The following PAMR1 variants were observed in gnomAD, a reference collection of about 807,000 sequenced individuals.
The protein encoded by PAMR1 is inactive serine protease PAMR1.
A neutral mutation model predicts 81.8 loss-of-function variants in PAMR1; 88 were observed. That is an observed-to-expected ratio of 1.08 (90% CI 0.91 to 1.28). PAMR1 has a LOEUF of 1.28. PAMR1 is among the 50% of genes most tolerant of loss of function. PAMR1 has a pLI of 0.00. For synonymous variants in PAMR1, 336 were observed against 345.3 expected, an observed-to-expected ratio of 0.97 and a Z score of 0.30; for missense variants, 935 against 919.7, an observed-to-expected ratio of 1.02 and a Z score of -0.21.
In PAMR1 at chr11:35,435,892, C is replaced by A. The variant is rs994027510; in HGVS notation, c.1333+11G>T. 4 of 1,591,210 alleles carry A rather than the reference C, an allele frequency of 2.5e-6. No homozygotes were observed. Among genetic ancestry groups the A allele is most frequent in the Non-Finnish European group, 3.5e-6 (4 of 1,159,274 alleles). ...GAGCATGCTCAAGCCCAAGAATGAG[C>A]CTTGACTCACTAGGGATGCAGGATG... On this transcript the variant is annotated intron_variant, in intron 9 of 10. Coordinates refer to ENST00000619888, the MANE Select transcript of PAMR1 (RefSeq NM_001001991.3).
In PAMR1 at chr11:35,435,962, C is replaced by T. The variant is rs1423864166; in HGVS notation, c.1274G>A (p.Ser425Asn). ...ISPFYRRLGS[S>N]RRTCLRTGKW... is the part of the protein sequence containing the mutation. ...CCCAGTCCTCAGACATGTCCTCCTGCTGCTGCCCAGGCGGCGGTAGAAGGG... is the reference window on the plus strand; with the variant it reads ...CCCAGTCCTCAGACATGTCCTCCTGTTGCTGCCCAGGCGGCGGTAGAAGGG... The change falls in exon 9 of 11, where the codon AGC becomes AAC. Residue 425 changes from serine to asparagine, a missense_variant. Ser to Asn is a conservative substitution (Grantham distance 46). Transcript: ENST00000619888. The T allele has an allele frequency of 6.2e-7, 1 of 1,614,116 alleles. No individual in the cohort carries two copies. Among genetic ancestry groups the T allele is most frequent in the Non-Finnish European group, 8.5e-7 (1 of 1,180,048 alleles).
intron 6 of PAMR1, among the ~76,000 whole-genome samples, chr11:35,467,373 C>A (rs1331698743): frequency 6.6e-6 from 1 of 152,178 alleles, no homozygotes; most frequent in African/African-American, 2.4e-5. Context: ...CCTTTGCTCT[C>A]CCCCAAATTC....
At chr11:35,508,662 A>T (rs1406758702) in intron 1 of PAMR1, among the ~76,000 whole-genome samples, 3 of 151,538 alleles carry the variant, frequency 2.0e-5, no homozygotes, top group African/African-American at 7.3e-5. Flanking sequence ...TACCTAAGAG[A>T]TATCTTTTTA....
Position 35,439,675 on chromosome 11 carries a change from A to C in PAMR1, c.1052T>G (p.Ile351Ser). 1 of 1,613,956 alleles carries C rather than the reference A, an allele frequency of 6.2e-7. No individual in the cohort carries two copies. The highest frequency in any genetic ancestry group is 8.5e-7 in the Non-Finnish European group (1 of 1,179,862). Residue 351 changes from isoleucine (I) to serine (S), a missense_variant, in exon 8 of 11, where the codon ATT becomes AGT. Physicochemically the swap from Ile to Ser is moderately radical, Grantham distance 142. Coordinates refer to ENST00000619888, the MANE Select transcript of PAMR1 (RefSeq NM_001001991.3). The part of the protein sequence containing the change: ...ICIKACREPK[I>S]SDLVRRRVLP... ...AACTCTCCTTCTCACCAGGTCTGAA[A>C]TCTTTGGTTCTCGGCAGGCTAGAAA... is the stretch of plus-strand genomic sequence containing the variant.
intron 1 of PAMR1, 70 bp from the exon 2 acceptor site, chr11:35,494,342 T>G (rs750566803): frequency 1.5e-6 from 2 of 1,358,116 alleles, no homozygotes; most frequent in South Asian, 2.4e-5. Context: ...TTTGTTTGTT[T>G]GTTTGTTTTG....
At chr11:35,474,903 T>A (rs901607912) in intron 3 of PAMR1, among the ~76,000 whole-genome samples, 159 bp from the exon 4 acceptor site, 3 of 152,214 alleles carry the variant, frequency 2.0e-5, no homozygotes, top group Admixed American at 2.0e-4. Flanking sequence ...CAGCTGGCAA[T>A]GTGCCAGGCA....
intron 6 of PAMR1, among the ~76,000 whole-genome samples, chr11:35,467,576 C>T (rs1167603982): frequency 6.6e-6 from 1 of 152,164 alleles, no homozygotes; most frequent in African/African-American, 2.4e-5. Context: ...TATCTACCAC[C>T]CTCATTGCAG....
chr11:35,524,087 G>A (rs1013934418), intron 1 of PAMR1, among the ~76,000 whole-genome samples: 2 of 152,174 alleles, frequency 1.3e-5, no homozygotes, highest in Non-Finnish European at 2.9e-5. Context: ...GTCCTCTGGA[G>A]CTGGTCCACC....
intron 1 of PAMR1, among the ~76,000 whole-genome samples, chr11:35,511,933 C>T (rs1239766801): frequency 6.6e-6 from 1 of 152,122 alleles, no homozygotes; most frequent in Non-Finnish European, 1.5e-5. Flanking sequence ...TCTATCCCTC[C>T]CCCTGAGCTT....
chr11:35,484,572 T>C (rs962902116), intron 3 of PAMR1, among the ~76,000 whole-genome samples: 16 of 152,206 alleles, frequency 1.1e-4, no homozygotes, highest in African/African-American at 3.6e-4. Context: ...CCTGCACAAA[T>C]CCTCTTCCTC....
chr11:35,467,470 CAT>C (rs1267470282), intron 6 of PAMR1, among the ~76,000 whole-genome samples: 1 of 152,188 alleles, frequency 6.6e-6, no homozygotes, highest in Non-Finnish European at 1.5e-5. Context: ...TTATATAAGA[CAT>C]GTGTTAAAAC....
chr11:35,492,779 CA>C (rs1850654885), intron 2 of PAMR1, among the ~76,000 whole-genome samples: 1 of 152,178 alleles, frequency 6.6e-6, no homozygotes. Context: ...TCGGGCTCCC[CA>C]CAACCAGCAG....
chr11:35,436,243 G>C, intron 8 of PAMR1, 108 bp from the exon 9 acceptor site: 2 of 711,688 alleles, frequency 2.8e-6, no homozygotes, highest in Non-Finnish European at 4.9e-6. Context: ...TACAGAAACA[G>C]AAAAAATCTC....
chr11:35,464,084 G>A (rs571391450), intron 6 of PAMR1, among the ~76,000 whole-genome samples: 156 of 152,202 alleles, frequency 1.0e-3, no homozygotes, highest in African/African-American at 3.5e-3. Context: ...ATCAAAATAC[G>A]TGTACCCTTT....
chr11:35,442,342 T>G (rs1314556731), intron 6 of PAMR1, among the ~76,000 whole-genome samples: 1 of 152,218 alleles, frequency 6.6e-6, no homozygotes, highest in Non-Finnish European at 1.5e-5. Context: ...TTCTATTCTT[T>G]GAGTCCTGTT....
At chr11:35,444,728 C>T (rs746641176) in intron 6 of PAMR1, among the ~76,000 whole-genome samples, 8 of 152,172 alleles carry the variant, frequency 5.3e-5, no homozygotes, top group African/African-American at 1.9e-4. Flanking sequence ...CAGTACCATG[C>T]TGTTTTGGTT....
intron 1 of PAMR1, 140 bp downstream of exon 1, chr11:35,525,373 C>G (rs186752687): frequency 3.1e-6 from 2 of 654,698 alleles, no homozygotes; most frequent in Admixed American, 5.1e-5. Flanking sequence ...GGAAAAGCAC[C>G]ACCCCCCCTC....
chr11:35,462,051 T>C (rs928332980), intron 6 of PAMR1, among the ~76,000 whole-genome samples: 6 of 150,020 alleles, frequency 4.0e-5, no homozygotes, highest in Admixed American at 3.3e-4. Context: ...TTTTTTTTTT[T>C]CTTCTCCCTG....
chr11:35,528,287 C>T (rs927620267), upstream of PAMR1, among the ~76,000 whole-genome samples: 1 of 152,184 alleles, frequency 6.6e-6, no homozygotes, highest in African/African-American at 2.4e-5. Flanking sequence ...TCTACCAGGA[C>T]GGACAGAAGT....
Sources: allele counts gnomAD v4.1 joint callset (sites outside exome capture counted in the v4.1 genomes callset), GRCh38; gene constraint gnomAD v4.1.1; transcripts MANE v1.5; gene names NCBI Gene and HGNC (gene_info 2026-07-23, HGNC 2026-07-21).